HEMK2: variants seen among roughly 807,000 people sequenced by gnomAD.
HEMK2 encodes the protein methyltransferase HEMK2.
chr21:28,800,709 G>T, the HEMK2 span, among the ~76,000 whole-genome samples: 2 of 152,108 alleles, frequency 1.3e-5, no homozygotes, highest in Non-Finnish European at 2.9e-5. Context: ...AACAATGCCT[G>T]TATTTTTTAA....
the HEMK2 span, among the ~76,000 whole-genome samples, chr21:28,765,412 G>T: frequency 6.6e-6 from 1 of 152,118 alleles, no homozygotes; most frequent in Non-Finnish European, 1.5e-5. Context: ...GATGATAAAT[G>T]TGTGTTGTTT....
At chr21:28,767,190 T>C in the HEMK2 span, among the ~76,000 whole-genome samples, 1 of 152,008 alleles carries the variant, frequency 6.6e-6, no homozygotes, top group Non-Finnish European at 1.5e-5. Context: ...GACTTGCTCC[T>C]CCTTGCTTTC....
chr21:28,885,348 T>A, the HEMK2 span: 8 of 1,556,232 alleles, frequency 5.1e-6, no homozygotes, highest in African/African-American at 8.2e-5. Context: ...CCTGCCATAG[T>A]CCTTCGCTGC....
chr21:28,626,152 G>C, the HEMK2 span, among the ~76,000 whole-genome samples: 1 of 152,136 alleles, frequency 6.6e-6, no homozygotes, highest in East Asian at 1.9e-4. Context: ...AGCATTAAAT[G>C]GTGGACTTTT....
chr21:28,857,082 G>A, the HEMK2 span, among the ~76,000 whole-genome samples: 1 of 152,164 alleles, frequency 6.6e-6, no homozygotes, highest in Admixed American at 6.5e-5. Context: ...GCTGGAGATT[G>A]CCCAAGATGA....
At chr21:28,857,076 G>C in the HEMK2 span, among the ~76,000 whole-genome samples, 46 of 152,308 alleles carry the variant, frequency 3.0e-4, no homozygotes, top group Admixed American at 2.5e-3. Flanking sequence ...CAGCAGGCTG[G>C]AGATTGCCCA....
the HEMK2 span, among the ~76,000 whole-genome samples, chr21:28,753,986 G>A: frequency 1.6e-4 from 24 of 152,244 alleles, 1 homozygote; most frequent in East Asian, 4.4e-3. Context: ...GTCTTTTTAG[G>A]TAAAAGTATT....
the HEMK2 span, among the ~76,000 whole-genome samples, chr21:28,768,534 A>T: frequency 6.6e-6 from 1 of 152,016 alleles, no homozygotes; most frequent in Non-Finnish European, 1.5e-5. Context: ...CCCTTTCCTC[A>T]ACTTTCATCC....
At chr21:28,813,940 A>C in the HEMK2 span, among the ~76,000 whole-genome samples, 1 of 152,212 alleles carries the variant, frequency 6.6e-6, no homozygotes, top group African/African-American at 2.4e-5. Flanking sequence ...GATGGATTAA[A>C]GACTTAAACA....
At chr21:28,689,964 A>G in the HEMK2 span, among the ~76,000 whole-genome samples, 4 of 152,200 alleles carry the variant, frequency 2.6e-5, no homozygotes, top group Non-Finnish European at 5.9e-5. Flanking sequence ...AAACTGGGTA[A>G]TTTATAAAGG....
chr21:28,767,794 C>A, the HEMK2 span, among the ~76,000 whole-genome samples: 2 of 151,970 alleles, frequency 1.3e-5, no homozygotes, highest in African/African-American at 4.8e-5. Flanking sequence ...TCCATAAAGT[C>A]ATTCTGCCCA....
the HEMK2 span, among the ~76,000 whole-genome samples, chr21:28,863,085 T>G: frequency 6.6e-6 from 1 of 152,072 alleles, no homozygotes; most frequent in Non-Finnish European, 1.5e-5. Context: ...TGATCCTGGG[T>G]GTGTCTCTGA....
the HEMK2 span, among the ~76,000 whole-genome samples, chr21:28,580,399 C>G: frequency 1.3e-5 from 2 of 152,064 alleles, no homozygotes; most frequent in Admixed American, 1.3e-4. Flanking sequence ...AGGGCTAGCA[C>G]GGGCAGGGCA....
At chr21:28,649,054 C>T in the HEMK2 span, among the ~76,000 whole-genome samples, 5 of 151,392 alleles carry the variant, frequency 3.3e-5, no homozygotes, top group African/African-American at 7.3e-5. Context: ...TTTGTCCTTG[C>T]GATAGTTTGC....
chr21:28,787,155 G>C, the HEMK2 span, among the ~76,000 whole-genome samples: 2 of 152,156 alleles, frequency 1.3e-5, no homozygotes, highest in African/African-American at 4.8e-5. Flanking sequence ...TAATTGGCTA[G>C]CCACATGTAG....
chr21:28,622,841 G>A, the HEMK2 span, among the ~76,000 whole-genome samples: 1 of 152,102 alleles, frequency 6.6e-6, no homozygotes, highest in Non-Finnish European at 1.5e-5. Context: ...ACTCAAGATG[G>A]ATTAAAGACT....
At chr21:28,605,507 C>A in the HEMK2 span, among the ~76,000 whole-genome samples, 1 of 152,240 alleles carries the variant, frequency 6.6e-6, no homozygotes, top group East Asian at 1.9e-4. Context: ...AAGGCCATGG[C>A]AAGTTGTGAC....
chr21:28,675,698 C>T, the HEMK2 span, among the ~76,000 whole-genome samples: 4 of 152,196 alleles, frequency 2.6e-5, no homozygotes, highest in African/African-American at 9.6e-5. Context: ...AGGCACAAAC[C>T]CTGGGCCCAG....
chr21:28,597,897 T>C, the HEMK2 span, among the ~76,000 whole-genome samples: 9 of 152,070 alleles, frequency 5.9e-5, no homozygotes, highest in African/African-American at 1.2e-4. Flanking sequence ...TAAAGATAAT[T>C]TGATGTTAAG....
Sources: allele counts gnomAD v4.1 joint callset (sites outside exome capture counted in the v4.1 genomes callset), GRCh38; gene constraint gnomAD v4.1.1; transcripts MANE v1.5; gene names NCBI Gene and HGNC (gene_info 2026-07-23, HGNC 2026-07-21).